Variants in LRP1B observed in about 807,000 individuals in gnomAD.
The protein encoded by LRP1B is LDL receptor related protein 1B, also known as low-density lipoprotein receptor-related protein 1B.
In LRP1B, 217 loss-of-function variants were observed where a neutral mutation model predicts 556.6. The observed-to-expected ratio is 0.39, with a 90% CI of 0.35 to 0.44. LRP1B has a LOEUF of 0.44. LRP1B is among the 20% of genes least tolerant of loss of function. The probability of loss-of-function intolerance (pLI) is 1.00; values close to 1 mark genes in which losing one functional copy is unlikely to be tolerated. For synonymous variants in LRP1B, 2,047 were observed against 1,865.8 expected, an observed-to-expected ratio of 1.10 and a Z score of -2.50; for missense variants, 5,053 against 5,620.8, an observed-to-expected ratio of 0.90 and a Z score of 3.23.
chr2:140,502,860 T>A (rs1324035256), intron 54 of LRP1B, 103 bp downstream of exon 54: 2 of 1,134,252 alleles, frequency 1.8e-6, no homozygotes. Context: ...ACATGCTTAA[T>A]AATTTGCATT....
Position 140,485,495 on chromosome 2 carries a change from T to G in LRP1B, c.9273A>C (p.Ala3091=), listed in dbSNP as rs765177641. The change falls in exon 59 of 91, where the codon GCA becomes GCC. Residue 3091 remains alanine, a synonymous_variant. Transcript: ENST00000389484. ...TTTTTCCAATCCAATCGACAGCAAG[T>G]GCATTGGGGACCGCTGTGTTATGAA... The part of the protein sequence containing the change: ...KVVHNTAVPN[A]LAVDWIGKNL... 1 of 1,613,696 alleles carries G rather than the reference T, an allele frequency of 6.2e-7. No individual in the cohort carries two copies. The highest frequency in any genetic ancestry group is 1.1e-5 in the South Asian group (1 of 91,058).
intron 7 of LRP1B, among the ~76,000 whole-genome samples, chr2:141,077,925 T>C (rs1008637523): frequency 1.3e-5 from 2 of 151,868 alleles, no homozygotes; most frequent in African/African-American, 2.4e-5. Context: ...TGGGTAAAAC[T>C]CCAATCTGAG....
At chr2:140,630,116 A>G (rs935158873) in intron 41 of LRP1B, among the ~76,000 whole-genome samples, 2 of 152,192 alleles carry the variant, frequency 1.3e-5, no homozygotes, top group Non-Finnish European at 2.9e-5. Flanking sequence ...CAGTATCAGC[A>G]TTACCTGGGA....
At chr2:141,404,934 G>A (rs921618339) in intron 3 of LRP1B, among the ~76,000 whole-genome samples, 4 of 151,242 alleles carry the variant, frequency 2.6e-5, no homozygotes, top group East Asian at 1.9e-4. Context: ...TAAAAAACAC[G>A]AAGAATAGTT....
chr2:140,896,950 C>A (rs998019482), intron 23 of LRP1B, among the ~76,000 whole-genome samples: 1 of 152,148 alleles, frequency 6.6e-6, no homozygotes, highest in South Asian at 2.1e-4. Flanking sequence ...CCAGTAGTAA[C>A]TAGTCAATTC....
intron 8 of LRP1B, 45 bp downstream of exon 8, chr2:141,062,002 CCTTT>C (rs1699349435): frequency 1.3e-6 from 2 of 1,495,472 alleles, no homozygotes; most frequent in East Asian, 2.3e-5. Context: ...TGGTATTATT[CCTTT>C]CTTTTTATTA....
At chr2:140,635,986 C>A (rs1348223224) in intron 41 of LRP1B, among the ~76,000 whole-genome samples, 1 of 151,968 alleles carries the variant, frequency 6.6e-6, no homozygotes, top group Non-Finnish European at 1.5e-5. Context: ...TCTTTGAGGT[C>A]TGTTGATAGC....
In LRP1B at chr2:141,712,249, C is replaced by T. The variant is rs1378765226; in HGVS notation, c.205+98030G>A. ...ACAGAAAAATTTATGATCATTGGGA[C>T]TCATCTAGGTGGGTTACTACCTTAA... On this transcript the variant is annotated intron_variant, in intron 2 of 90. Transcript: ENST00000389484. Among the ~76,000 whole-genome samples the T allele has an allele frequency of 2.0e-5, 3 of 151,946 alleles. No homozygotes were observed. The East Asian group carries it at 5.8e-4, about 29-fold the overall frequency.
In LRP1B at chr2:140,862,266, G is replaced by GA. The variant is rs943687855; in HGVS notation, c.4579+5323dup. Among the ~76,000 whole-genome samples the GA allele has an allele frequency of 3.0e-4, 45 of 150,226 alleles. 1 individual carries two copies. Among genetic ancestry groups the GA allele is most frequent in the African/African-American group, 3.9e-4 (16 of 40,786 alleles). ...GGTGAGCAACTTGTTTGTACGGTTG[G>GA]AAAAAAAAACCAAATGAAGAATACT... On this transcript the variant is annotated intron_variant, in intron 27 of 90. Coordinates refer to ENST00000389484, the MANE Select transcript of LRP1B (RefSeq NM_018557.3).
chr2:141,280,243 G>C (rs1182359850), intron 3 of LRP1B, among the ~76,000 whole-genome samples: 1 of 152,072 alleles, frequency 6.6e-6, no homozygotes, highest in Non-Finnish European at 1.5e-5. Context: ...AGACAGGACT[G>C]TAATTACATG....
chr2:141,677,390 A>C (rs2105423377), intron 2 of LRP1B, among the ~76,000 whole-genome samples: 1 of 152,260 alleles, frequency 6.6e-6, no homozygotes, highest in Non-Finnish European at 1.5e-5. Flanking sequence ...GAAGATTGAA[A>C]ATCTTATTCA....
intron 18 of LRP1B, among the ~76,000 whole-genome samples, chr2:140,981,760 A>G (rs1461187893): frequency 2.0e-5 from 3 of 152,158 alleles, no homozygotes. Flanking sequence ...AGAAGATAAC[A>G]TATACATGCC....
chr2:140,399,626 T>C (rs1684407520), intron 66 of LRP1B, among the ~76,000 whole-genome samples: 1 of 152,206 alleles, frequency 6.6e-6, no homozygotes, highest in South Asian at 2.1e-4. Flanking sequence ...ATCTCTCTTT[T>C]TGGTAACCTA....
At chr2:141,764,188 CT>C (rs200148418) in intron 2 of LRP1B, among the ~76,000 whole-genome samples, 14 of 147,744 alleles carry the variant, frequency 9.5e-5, no homozygotes, top group East Asian at 2.0e-4. Context: ...AAGATGGTGT[CT>C]TTTTTTTTTG....
At chr2:141,389,930 G>A (rs1325928936) in intron 3 of LRP1B, among the ~76,000 whole-genome samples, 7 of 152,002 alleles carry the variant, frequency 4.6e-5, no homozygotes, top group East Asian at 1.9e-4. Flanking sequence ...ACCAGAGGTC[G>A]GGAGTTTGAG....
At chr2:141,539,005 T>C (rs1174651500) in intron 2 of LRP1B, among the ~76,000 whole-genome samples, 1 of 152,174 alleles carries the variant, frequency 6.6e-6, no homozygotes, top group Non-Finnish European at 1.5e-5. Flanking sequence ...ATGTATATAT[T>C]CAATAAGCTA....
chr2:140,681,145 A>T (rs965433938), intron 41 of LRP1B, among the ~76,000 whole-genome samples: 8 of 152,218 alleles, frequency 5.3e-5, no homozygotes, highest in Non-Finnish European at 1.0e-4. Context: ...GATGTTTTCC[A>T]TGTGACTATG....
rs773645673 is a variant in LRP1B, at chr2:140,444,594, A to G, written c.10143T>C (p.Asp3381=). The G allele has an allele frequency of 9.3e-6, 15 of 1,614,030 alleles. No homozygotes were observed. In the East Asian group the frequency reaches 1.6e-4, roughly 17 times the overall value. The change falls in exon 64 of 91, where the codon GAT becomes GAC. Residue 3381 remains aspartate, a synonymous_variant. Transcript: ENST00000389484. ...TGAGTTCATCAGAATTGTCTCCACA[A>G]TCATTCTCTCCATCACAGATGAAAG... ...LPAFICDGEN[D]CGDNSDELNC...
intron 43 of LRP1B, among the ~76,000 whole-genome samples, chr2:140,544,660 T>G (rs1680259530): frequency 1.3e-5 from 2 of 152,230 alleles, no homozygotes; most frequent in South Asian, 4.1e-4. Flanking sequence ...ATCTTGTTAT[T>G]TTTTATGATT....
Sources: gnomAD v4.1 joint callset for allele counts (sites outside exome capture counted in the v4.1 genomes callset) on GRCh38, gnomAD v4.1.1 for gene constraint, MANE v1.5 for transcripts, NCBI Gene and HGNC (gene_info 2026-07-23, HGNC 2026-07-21) for gene names.